Variants in EVI5 observed in about 807,000 individuals in gnomAD.
EVI5 encodes the protein ecotropic viral integration site 5 protein homolog.
EVI5 carries 73 observed loss-of-function variants against 112.0 expected under a neutral mutation model. That is an observed-to-expected ratio of 0.65 (90% confidence interval 0.54 to 0.79). The LOEUF is 0.79. Ranked by LOEUF, EVI5 falls within the 30% of genes least tolerant of loss-of-function variation. The pLI is 0.00. For synonymous variants in EVI5, 305 were observed against 319.9 expected, an observed-to-expected ratio of 0.95 and a Z score of 0.50; for missense variants, 900 against 968.8, an observed-to-expected ratio of 0.93 and a Z score of 0.94.
chr1:92,658,551 C>T (rs1350889268), intron 13 of EVI5, among the ~76,000 whole-genome samples: 1 of 152,068 alleles, frequency 6.6e-6, no homozygotes, highest in East Asian at 1.9e-4. Flanking sequence ...ACAAGGAAAA[C>T]TTCAAAATAC....
chr1:92,736,690 A>T, intron 1 of EVI5, 63 bp from the exon 2 acceptor site: 1 of 1,051,228 alleles, frequency 9.5e-7, no homozygotes, highest in Non-Finnish European at 1.5e-6. Flanking sequence ...CGAGAACTTA[A>T]TAATTCTGTT....
intron 2 of EVI5, among the ~76,000 whole-genome samples, chr1:92,718,915 C>T (rs1031082520): frequency 6.6e-6 from 1 of 152,130 alleles, no homozygotes. Flanking sequence ...ATATAATAAA[C>T]ACCTCTGTGC....
intron 14 of EVI5, among the ~76,000 whole-genome samples, chr1:92,633,785 T>C (rs75160589): frequency 4.6e-5 from 7 of 152,230 alleles, no homozygotes; most frequent in African/African-American, 1.7e-4. Context: ...TCTATGGTCT[T>C]TACAATTTGG....
chr1:92,745,273 A>G (rs937560352), intron 1 of EVI5, among the ~76,000 whole-genome samples: 1 of 151,942 alleles, frequency 6.6e-6, no homozygotes, highest in African/African-American at 2.4e-5. Flanking sequence ...AATTCTGAGA[A>G]ATGCTGCTCA....
chr1:92,758,879 GA>G (rs1054136779), intron 1 of EVI5, among the ~76,000 whole-genome samples: 3 of 150,432 alleles, frequency 2.0e-5, no homozygotes, highest in Non-Finnish European at 4.4e-5. Context: ...AGAGCAGATA[GA>G]AAAAAAAAGA....
chr1:92,721,276 C>T (rs1674710239), intron 2 of EVI5, among the ~76,000 whole-genome samples: 1 of 152,110 alleles, frequency 6.6e-6, no homozygotes, highest in African/African-American at 2.4e-5. Context: ...TGGAACCAAC[C>T]CAAATGTCCA....
chr1:92,611,210 A>C (rs1651716896), intron 16 of EVI5, among the ~76,000 whole-genome samples: 2 of 152,048 alleles, frequency 1.3e-5, no homozygotes, highest in African/African-American at 4.8e-5. Flanking sequence ...ATAAATCCCC[A>C]CCAATATATA....
chr1:92,520,531 C>T (rs575733415), intron 19 of EVI5, among the ~76,000 whole-genome samples: 2 of 152,082 alleles, frequency 1.3e-5, no homozygotes, highest in African/African-American at 4.8e-5. Context: ...AATCTTTCCC[C>T]GTGTAAAGAT....
In EVI5 at chr1:92,512,699, T is replaced by C. The variant is rs545102909; in HGVS notation, c.*957A>G. 6.6e-6 allele frequency: 1 copy of C among 152,248 alleles called. No homozygotes were observed. The highest frequency in any genetic ancestry group is 2.1e-4 in the South Asian group (1 of 4,830). 9.4% of individuals were successfully genotyped at this position (152,248 alleles called of 1,614,324 possible). A position where few individuals can be genotyped will look rare whatever the true frequency, so the allele number is the denominator to read the frequency against. On this transcript the variant is annotated 3_prime_UTR_variant, in exon 20 of 20. Coordinates refer to ENST00000684568, the MANE Select transcript of EVI5 (RefSeq NM_001350197.2). Reference sequence around the variant, plus strand: ...TCATATGCACATAAAAGTTAAACATTAAAACAAAACTTAAAACTCTCAAAA... The same window carrying C: ...TCATATGCACATAAAAGTTAAACATCAAAACAAAACTTAAAACTCTCAAAA...
chr1:92,656,739 G>C (rs1285990206), intron 13 of EVI5, among the ~76,000 whole-genome samples: 1 of 152,010 alleles, frequency 6.6e-6, no homozygotes, highest in Non-Finnish European at 1.5e-5. Flanking sequence ...CAAATGAACA[G>C]AGACTACTAT....
At chr1:92,661,933 A>G (rs1664085908) in intron 13 of EVI5, among the ~76,000 whole-genome samples, 1 of 152,210 alleles carries the variant, frequency 6.6e-6, no homozygotes, top group Admixed American at 6.5e-5. Flanking sequence ...AACTGAAACA[A>G]GAAATAATAT....
At chr1:92,653,110 C>A (rs1242431096) in intron 13 of EVI5, among the ~76,000 whole-genome samples, 2 of 152,198 alleles carry the variant, frequency 1.3e-5, no homozygotes, top group African/African-American at 4.8e-5. Flanking sequence ...TGCCCCCGGA[C>A]TTGAGCAGCA....
At chr1:92,758,582 A>G (rs893347525) in intron 1 of EVI5, among the ~76,000 whole-genome samples, 3 of 151,746 alleles carry the variant, frequency 2.0e-5, no homozygotes, top group African/African-American at 7.3e-5. Context: ...AAAAAAAAAA[A>G]AAAAATCTGG....
chr1:92,521,403 A>C (rs947981413), intron 19 of EVI5, among the ~76,000 whole-genome samples: 2 of 152,250 alleles, frequency 1.3e-5, no homozygotes, highest in Non-Finnish European at 1.5e-5. Flanking sequence ...AAATTCAAAG[A>C]CTAACAGCTG....
intron 18 of EVI5, among the ~76,000 whole-genome samples, chr1:92,596,406 T>C (rs1165038146): frequency 6.6e-6 from 1 of 151,906 alleles, no homozygotes; most frequent in Non-Finnish European, 1.5e-5. Context: ...AAAACCAATA[T>C]CTCCTATGAT....
rs763396717 is a variant in EVI5, at chr1:92,695,381, A to G, written c.838T>C (p.Phe280Leu). 4.4e-6 allele frequency: 7 copies of G among 1,607,268 alleles called. No homozygotes were observed. Among genetic ancestry groups the G allele is most frequent in the Non-Finnish European group, 6.0e-6 (7 of 1,173,932 alleles). Residue 280 changes from phenylalanine (F) to leucine (L), a missense_variant, in exon 7 of 20, where the codon TTT (phenylalanine) becomes CTT (leucine). Transcript: ENST00000684568. The stretch of plus-strand genomic sequence containing the variant: ...AAAGTTGTAAGAAAGATAGTCAGAA[A>G]CCAGGATGATGCATACATTGAGGTA... Reference protein sequence around the residue: ...FHTSMYASSWFLTIFLTTFPL... With the variant: ...FHTSMYASSWLLTIFLTTFPL...
chr1:92,753,729 C>A (rs915806981), intron 1 of EVI5, among the ~76,000 whole-genome samples: 7 of 151,968 alleles, frequency 4.6e-5, no homozygotes, highest in Admixed American at 3.9e-4. Context: ...AAAATTACAC[C>A]TAATTTTGGA....
chr1:92,790,698 A>G (rs1331599405), intron 1 of EVI5, among the ~76,000 whole-genome samples: 3 of 151,896 alleles, frequency 2.0e-5, no homozygotes, highest in Non-Finnish European at 4.4e-5. Flanking sequence ...GTGCACCTGT[A>G]GTCCCAGCAA....
At chr1:92,550,708 C>G (rs1363266489) in intron 19 of EVI5, among the ~76,000 whole-genome samples, 2 of 114,716 alleles carry the variant, frequency 1.7e-5, no homozygotes, top group Admixed American at 1.1e-4. Context: ...CATCTGGCCA[C>G]TGCACTCCAG....
Sources: allele counts gnomAD v4.1 joint callset (sites outside exome capture counted in the v4.1 genomes callset), GRCh38; gene constraint gnomAD v4.1.1; transcripts MANE v1.5; gene names NCBI Gene and HGNC (gene_info 2026-07-23, HGNC 2026-07-21).